Variants in TEX11 observed in about 807,000 individuals in gnomAD.
TEX11 encodes testis expressed 11.
A neutral mutation model predicts 84.4 loss-of-function variants in TEX11; 7 were observed. That is an observed-to-expected ratio of 0.08 (90% CI 0.05 to 0.16). The LOEUF is 0.16. Ranked by LOEUF, TEX11 falls within the 10% of genes least tolerant of loss-of-function variation. The pLI is 1.00. For missense variants in TEX11, 551 were observed against 660.5 expected, an observed-to-expected ratio of 0.83 and a Z score of 1.82; for synonymous variants, 264 against 222.8, an observed-to-expected ratio of 1.18 and a Z score of -1.64.
intron 9 of TEX11, among the ~76,000 whole-genome samples, chrX:70,758,159 C>T (rs1207781869): frequency 9.0e-6 from 1 of 111,453 alleles, no homozygotes; most frequent in East Asian, 2.8e-4. Context: ...ACTTAGACTC[C>T]CACACAATAA....
intron 13 of TEX11, among the ~76,000 whole-genome samples, chrX:70,717,190 G>A (rs185243905): frequency 1.0e-3 from 110 of 109,472 alleles, no homozygotes; most frequent in East Asian, 3.4e-3. Context: ...AAAAAAGATC[G>A]CTTAAGAGAC....
chrX:70,606,142 T>A (rs960349306), intron 23 of TEX11, among the ~76,000 whole-genome samples: 1 of 112,385 alleles, frequency 8.9e-6, no homozygotes, highest in African/African-American at 3.2e-5. Context: ...TTTCTTAATC[T>A]CCCCAAACAT....
At chrX:70,777,560 A>C (rs750418029) in intron 9 of TEX11, among the ~76,000 whole-genome samples, 40 of 112,023 alleles carry the variant, frequency 3.6e-4, no homozygotes, top group Non-Finnish European at 5.4e-4. Context: ...GAGGCAGGAG[A>C]ATTACTTGAA....
At chrX:70,755,650 C>T (rs1301661358) in intron 9 of TEX11, among the ~76,000 whole-genome samples, 2 of 112,075 alleles carry the variant, frequency 1.8e-5, no homozygotes, top group African/African-American at 6.5e-5. Flanking sequence ...GTAAAAACAG[C>T]TCCAGTCTGC....
intron 28 of TEX11, among the ~76,000 whole-genome samples, chrX:70,540,466 CT>C (rs1055201533): frequency 1.8e-5 from 2 of 109,189 alleles, no homozygotes; most frequent in Admixed American, 2.0e-4. Flanking sequence ...ACTTTACTTT[CT>C]TTTTTTTTCA....
At chrX:70,577,455 T>C (rs2088690484) in intron 25 of TEX11, among the ~76,000 whole-genome samples, 1 of 109,217 alleles carries the variant, frequency 9.2e-6, no homozygotes, top group Non-Finnish European at 1.9e-5. Context: ...CAAAAGGAAA[T>C]GGAATATGAG....
At chrX:70,861,274 G>A (rs1480754561) in intron 4 of TEX11, among the ~76,000 whole-genome samples, 2 of 106,701 alleles carry the variant, frequency 1.9e-5, no homozygotes, top group Admixed American at 1.0e-4. Context: ...TTTTAGCCGG[G>A]ATGGTCTCGA....
chrX:70,586,780 C>T (rs1427518961), intron 25 of TEX11, among the ~76,000 whole-genome samples: 1 of 111,818 alleles, frequency 8.9e-6, no homozygotes, highest in Admixed American at 9.5e-5. Context: ...TGAGGTACTG[C>T]TATAAAGAGA....
intron 9 of TEX11, among the ~76,000 whole-genome samples, chrX:70,769,244 T>A (rs1328752232): frequency 1.8e-5 from 2 of 111,189 alleles, no homozygotes; most frequent in African/African-American, 3.3e-5. Flanking sequence ...ATGAAATTGA[T>A]CACTAAAAAA....
chrX:70,675,566 C>T (rs1274162375), intron 15 of TEX11, among the ~76,000 whole-genome samples: 1 of 102,844 alleles, frequency 9.7e-6, no homozygotes, highest in Non-Finnish European at 1.9e-5. Context: ...CTTTTCTTTT[C>T]CTCTCTCTCT....
the TEX11 span, among the ~76,000 whole-genome samples, chrX:70,520,962 C>T: frequency 8.9e-6 from 1 of 112,298 alleles, no homozygotes; most frequent in Admixed American, 9.4e-5. Flanking sequence ...GATATAATCT[C>T]CTGGTGTGCC....
At chrX:70,892,689 A>T (rs1258039419) in intron 2 of TEX11, among the ~76,000 whole-genome samples, 2 of 108,243 alleles carry the variant, frequency 1.8e-5, no homozygotes, top group Non-Finnish European at 3.8e-5. Flanking sequence ...GATGAGATCG[A>T]CCCACTGCAC....
At chrX:70,813,102 C>T (rs1195844795) in intron 8 of TEX11, among the ~76,000 whole-genome samples, 4 of 111,174 alleles carry the variant, frequency 3.6e-5, no homozygotes, top group Non-Finnish European at 7.6e-5. Flanking sequence ...TTTCATGAGG[C>T]CAGCATCATC....
chrX:70,678,618 T>C (rs1222767597), intron 15 of TEX11, among the ~76,000 whole-genome samples, 186 bp downstream of exon 15: 1 of 111,549 alleles, frequency 9.0e-6, no homozygotes, highest in Non-Finnish European at 1.9e-5. Flanking sequence ...AATCATGTCT[T>C]ATTATTTTTA....
At chrX:70,800,274 A>G (rs1463209799) in intron 9 of TEX11, among the ~76,000 whole-genome samples, 1 of 110,714 alleles carries the variant, frequency 9.0e-6, no homozygotes, top group Non-Finnish European at 1.9e-5. Context: ...AGAGGAGTAA[A>G]AAATATAACT....
At chrX:70,799,437 C>A (rs1223894310) in intron 9 of TEX11, among the ~76,000 whole-genome samples, 1 of 111,886 alleles carries the variant, frequency 8.9e-6, no homozygotes, top group Admixed American at 9.5e-5. Flanking sequence ...ACTGGTGAAG[C>A]TTTTCAGGCA....
At chrX:70,641,465 GT>G (rs1481738695) in intron 17 of TEX11, among the ~76,000 whole-genome samples, 29 of 110,738 alleles carry the variant, frequency 2.6e-4, no homozygotes, top group African/African-American at 8.9e-4. Flanking sequence ...CAGAATATAC[GT>G]TTTTTTCAGC....
At chrX:70,639,292 C>A (rs919799359) in intron 17 of TEX11, among the ~76,000 whole-genome samples, 3 of 111,913 alleles carry the variant, frequency 2.7e-5, no homozygotes, top group African/African-American at 9.7e-5. Flanking sequence ...TCGCTGATTG[C>A]TAGCACAGCA....
Position 70,643,358 on chromosome X carries a change from C to T in TEX11, c.1483+8092G>A, listed in dbSNP as rs1248981043. 4.2e-3 allele frequency among the ~76,000 whole-genome samples: 391 copies of T among 93,249 alleles called. 3 individuals are homozygous for T. Among genetic ancestry groups the T allele is most frequent in the Non-Finnish European group, 6.6e-3 (310 of 46,858 alleles). The allele number at this position is 93,249 out of a possible 115,157, so 81.0% of individuals were successfully genotyped here. On this transcript the variant is annotated intron_variant, in intron 17 of 29. Coordinates refer to ENST00000374333, the MANE Select transcript of TEX11 (RefSeq NM_031276.3). Reference sequence around the variant, plus strand: ...TGGCCATACTGCCCAAGGTAATTTACAGATTCAATGCCATCCCCATCAAGC... The same window carrying T: ...TGGCCATACTGCCCAAGGTAATTTATAGATTCAATGCCATCCCCATCAAGC...
Sources: gnomAD v4.1 joint callset for allele counts (sites outside exome capture counted in the v4.1 genomes callset) on GRCh38, gnomAD v4.1.1 for gene constraint, MANE v1.5 for transcripts, NCBI Gene and HGNC (gene_info 2026-07-23, HGNC 2026-07-21) for gene names.